Variants in TTC17 observed in about 807,000 individuals in gnomAD.
TTC17 encodes the protein tetratricopeptide repeat protein 17.
A neutral mutation model predicts 143.8 loss-of-function variants in TTC17; 58 were observed. That is an observed-to-expected ratio of 0.40 (90% confidence interval 0.33 to 0.50). The LOEUF (loss-of-function observed/expected upper bound fraction) is 0.50. Among genes scored for constraint, TTC17 ranks in the 20% least tolerant of loss-of-function variants. The probability of loss-of-function intolerance (pLI) is 0.49; values close to 1 mark genes in which losing one functional copy is unlikely to be tolerated. For missense variants in TTC17, 1,273 were observed against 1,392.5 expected, an observed-to-expected ratio of 0.91 and a Z score of 1.37; for synonymous variants, 501 against 497.8, an observed-to-expected ratio of 1.01 and a Z score of -0.09.
intron 16 of TTC17, among the ~76,000 whole-genome samples, chr11:43,437,600 C>A (rs1458493176): frequency 1.3e-5 from 2 of 152,058 alleles, no homozygotes; most frequent in Non-Finnish European, 2.9e-5. Context: ...AACAAACCAA[C>A]AAAAATGCTG....
intron 16 of TTC17, among the ~76,000 whole-genome samples, chr11:43,429,314 G>T (rs61883558): frequency 0.15 from 22,769 of 152,194 alleles, 2,381 homozygotes; most frequent in Non-Finnish European, 0.22. Flanking sequence ...GCCAAGGCAG[G>T]ATTTGAATTT....
intron 18 of TTC17, 69 bp downstream of exon 18, chr11:43,444,278 G>A: frequency 1.3e-6 from 2 of 1,484,196 alleles, no homozygotes; most frequent in South Asian, 2.8e-5. Context: ...CACAAAGGTT[G>A]TATTTGTAAC....
intron 21 of TTC17, among the ~76,000 whole-genome samples, chr11:43,483,495 A>G (rs1948325610): frequency 6.6e-6 from 1 of 152,202 alleles, no homozygotes; most frequent in South Asian, 2.1e-4. Context: ...GACTGAATCC[A>G]GCAGCACATT....
chr11:43,372,165 T>C (rs1169662092), intron 1 of TTC17, among the ~76,000 whole-genome samples: 1 of 152,234 alleles, frequency 6.6e-6, no homozygotes, highest in Non-Finnish European at 1.5e-5. Context: ...GTTAGGAATT[T>C]AAGTTGATTC....
chr11:43,456,213 C>CA (rs779853572), intron 21 of TTC17, among the ~76,000 whole-genome samples: 45 of 150,680 alleles, frequency 3.0e-4, no homozygotes, highest in Non-Finnish European at 5.2e-4. Flanking sequence ...CACACACACA[C>CA]CACTTAGCAG....
intron 16 of TTC17, among the ~76,000 whole-genome samples, chr11:43,429,070 T>C (rs1172129738): frequency 6.6e-6 from 1 of 152,174 alleles, no homozygotes; most frequent in African/African-American, 2.4e-5. Flanking sequence ...AAATAGAGGA[T>C]AGAACAGGGC....
Position 43,443,363 on chromosome 11 carries a change from G to A in TTC17, c.2290G>A (p.Glu764Lys), listed in dbSNP as rs1415245402. The part of the protein sequence containing the change: ...VEESNGSDEM[E>K]NSDETKMSEE... ...GGAGAGCAATGGTTCTGATGAGATGGAGAATTCAGATGAAACCAAAATGTC... is the reference window on the plus strand; with the variant it reads ...GGAGAGCAATGGTTCTGATGAGATGAAGAATTCAGATGAAACCAAAATGTC... Residue 764 changes from glutamate (E) to lysine (K), a missense_variant, in exon 17 of 24, where the codon GAG (glutamate) becomes AAG (lysine). This residue lies in a region of TTC17 where 878 missense variants were observed against 899.8 expected (regional missense o/e 0.98). Coordinates refer to ENST00000039989, the MANE Select transcript of TTC17 (RefSeq NM_018259.6). 2.5e-6 allele frequency: 4 copies of A among 1,614,012 alleles called. No individual in the cohort carries two copies. Among genetic ancestry groups the A allele is most frequent in the Non-Finnish European group, 3.4e-6 (4 of 1,180,012 alleles).
intron 2 of TTC17, among the ~76,000 whole-genome samples, chr11:43,386,178 A>G (rs1269082784): frequency 6.6e-6 from 1 of 152,150 alleles, no homozygotes; most frequent in Non-Finnish European, 1.5e-5. Context: ...ACAAAAAAAA[A>G]AAAATTTCCT....
chr11:43,464,132 T>C (rs1333239158), intron 21 of TTC17, among the ~76,000 whole-genome samples: 1 of 151,592 alleles, frequency 6.6e-6, no homozygotes, highest in Admixed American at 6.6e-5. Context: ...AAAAAAAAAT[T>C]AGCTGGGCGT....
intron 21 of TTC17, among the ~76,000 whole-genome samples, chr11:43,471,282 C>T (rs1564978693): frequency 6.6e-6 from 1 of 152,166 alleles, no homozygotes; most frequent in Non-Finnish European, 1.5e-5. Flanking sequence ...ACTTTTGTCC[C>T]CCACTTCCTC....
chr11:43,420,125 AAG>A (rs1946867875), intron 16 of TTC17, among the ~76,000 whole-genome samples: 1 of 152,220 alleles, frequency 6.6e-6, no homozygotes, highest in Non-Finnish European at 1.5e-5. Flanking sequence ...GAATAGGAAA[AAG>A]AATTTTTGTA....
At chr11:43,439,470 G>GTT (rs370245266) in intron 16 of TTC17, among the ~76,000 whole-genome samples, 21 of 137,912 alleles carry the variant, frequency 1.5e-4, no homozygotes, top group South Asian at 2.3e-4. Context: ...TTTTTTTTTG[G>GTT]TTTTTTTTTT....
At chr11:43,456,564 T>G (rs1947768006) in intron 21 of TTC17, among the ~76,000 whole-genome samples, 1 of 152,176 alleles carries the variant, frequency 6.6e-6, no homozygotes, top group South Asian at 2.1e-4. Context: ...AAAATCATGT[T>G]TTTAAAGCTA....
rs780027846 is a variant in TTC17 at position 43,444,204 on chromosome 11, C to T, written c.2660C>T (p.Pro887Leu). The T allele has an allele frequency of 4.4e-6, 7 of 1,597,564 alleles. No individual in the cohort carries two copies. The highest frequency in any genetic ancestry group is 5.1e-6 in the Non-Finnish European group (6 of 1,175,170). Residue 887 changes from proline to leucine, a missense_variant, in exon 18 of 24, where the codon CCA (proline) becomes CTA (leucine). Transcript: ENST00000039989. ...ITGPKVASPG[P>L]QGKKRDYQRL... ...GGCCCCAAGGTGGCATCTCCTGGGC[C>T]ACAAGGTAAATTTGAATGTTTAATA...
At chr11:43,400,774 A>T (rs1393791615) in intron 9 of TTC17, among the ~76,000 whole-genome samples, 4 of 152,236 alleles carry the variant, frequency 2.6e-5, no homozygotes, top group African/African-American at 9.6e-5. Flanking sequence ...ACTGGTTTAT[A>T]GGAACTTGGG....
intron 15 of TTC17, 70 bp from the exon 16 acceptor site, chr11:43,414,520 C>CT: frequency 6.6e-7 from 1 of 1,514,192 alleles, no homozygotes; most frequent in Non-Finnish European, 8.9e-7. Context: ...AAGCCATATA[C>CT]TGTAAACGTT....
intron 21 of TTC17, chr11:43,466,657 A>G (rs948517250): frequency 2.8e-6 from 1 of 358,714 alleles, no homozygotes; most frequent in Non-Finnish European, 5.5e-6. Flanking sequence ...ATTGTGAAGC[A>G]TACAGGTCTT....
At chr11:43,413,108 G>A (rs932337692) in intron 15 of TTC17, among the ~76,000 whole-genome samples, 1 of 151,994 alleles carries the variant, frequency 6.6e-6, no homozygotes, top group Non-Finnish European at 1.5e-5. Context: ...AATTAAAAGA[G>A]TATGGTATTG....
intron 21 of TTC17, among the ~76,000 whole-genome samples, chr11:43,484,397 CAA>C (rs927734668): frequency 9.9e-5 from 15 of 152,104 alleles, no homozygotes; most frequent in African/African-American, 3.4e-4. Flanking sequence ...ATAAATCTTA[CAA>C]AAGTTATCAA....
Sources: gnomAD v4.1 joint callset for allele counts (sites outside exome capture counted in the v4.1 genomes callset) on GRCh38, gnomAD v4.1.1 for gene constraint, gnomAD v4.1.1 regional missense constraint, MANE v1.5 for transcripts, NCBI Gene and HGNC (gene_info 2026-07-23, HGNC 2026-07-21) for gene names.